RHOJ: variants seen among roughly 807,000 people sequenced by gnomAD.
RHOJ encodes ras homolog family member J, also known as rho-related GTP-binding protein RhoJ.
RHOJ carries 11 observed loss-of-function variants against 23.4 expected under a neutral mutation model. That is an observed-to-expected ratio of 0.47 (90% confidence interval 0.30 to 0.78). The LOEUF (loss-of-function observed/expected upper bound fraction) is 0.78, where lower values mean the gene tolerates loss of function less well. Ranked by LOEUF, RHOJ falls within the 30% of genes least tolerant of loss-of-function variation. RHOJ has a pLI of 0.08. For missense variants in RHOJ, 254 were observed against 273.4 expected (o/e 0.93, Z 0.50); for synonymous variants, 102 against 102.7 (o/e 0.99, Z 0.04).
At chr14:63,263,259 T>G (rs896108851) in intron 1 of RHOJ, among the ~76,000 whole-genome samples, 6 of 152,214 alleles carry the variant, frequency 3.9e-5, no homozygotes, top group African/African-American at 1.4e-4. Flanking sequence ...TCTTTGAACC[T>G]CACTATGTTT....
At chr14:63,223,214 C>A (rs527941147) in intron 1 of RHOJ, among the ~76,000 whole-genome samples, 34 of 152,330 alleles carry the variant, frequency 2.2e-4, no homozygotes, top group African/African-American at 7.5e-4. Flanking sequence ...GGTCAGCCAT[C>A]TGGACTATTG....
chr14:63,212,433 G>A (rs1333125533), intron 1 of RHOJ, among the ~76,000 whole-genome samples: 1 of 152,276 alleles, frequency 6.6e-6, no homozygotes, highest in South Asian at 2.1e-4. Context: ...ACCTAGAGTT[G>A]CATTCTGGCA....
chr14:63,224,230 A>G (rs1026443112), intron 1 of RHOJ, among the ~76,000 whole-genome samples: 1 of 152,146 alleles, frequency 6.6e-6, no homozygotes, highest in African/African-American at 2.4e-5. Flanking sequence ...AAATCATAAA[A>G]CCAAAGACAT....
chr14:63,252,531 T>C (rs765509322), intron 1 of RHOJ, among the ~76,000 whole-genome samples: 4 of 152,190 alleles, frequency 2.6e-5, no homozygotes, highest in Non-Finnish European at 5.9e-5. Flanking sequence ...CCAGGGATAT[T>C]TTCAAAACGT....
chr14:63,211,331 C>A (rs74455675), intron 1 of RHOJ, among the ~76,000 whole-genome samples: 2 of 152,312 alleles, frequency 1.3e-5, no homozygotes, highest in African/African-American at 4.8e-5. Context: ...ACCCGAGAGT[C>A]TCTCATATCT....
chr14:63,283,722 T>C (rs1320785826), intron 4 of RHOJ, among the ~76,000 whole-genome samples: 1 of 152,178 alleles, frequency 6.6e-6, no homozygotes, highest in Non-Finnish European at 1.5e-5. Flanking sequence ...AAACAGCATC[T>C]GGAAGGATAA....
intron 1 of RHOJ, among the ~76,000 whole-genome samples, chr14:63,221,861 A>G (rs555600144): frequency 2.0e-5 from 3 of 152,154 alleles, no homozygotes; most frequent in Non-Finnish European, 4.4e-5. Context: ...TCTAGGGTAC[A>G]TGCGCACAAC....
intron 2 of RHOJ, among the ~76,000 whole-genome samples, chr14:63,278,185 C>T (rs1261456057): frequency 6.6e-6 from 1 of 152,114 alleles, no homozygotes; most frequent in African/African-American, 2.4e-5. Context: ...TTTTCAGCAT[C>T]ATTGCCCTCT....
intron 1 of RHOJ, among the ~76,000 whole-genome samples, chr14:63,264,411 A>G (rs1035257201): frequency 3.9e-5 from 6 of 152,062 alleles, no homozygotes; most frequent in Non-Finnish European, 8.8e-5. Flanking sequence ...TCTTTATCCA[A>G]TCCATCCTGG....
intron 1 of RHOJ, among the ~76,000 whole-genome samples, chr14:63,260,065 A>C (rs1485999071): frequency 1.3e-5 from 2 of 152,158 alleles, no homozygotes; most frequent in Non-Finnish European, 2.9e-5. Flanking sequence ...CTAAATATTC[A>C]CTTGGCTAGT....
chr14:63,283,921 A>G (rs555863352), intron 4 of RHOJ, among the ~76,000 whole-genome samples: 3 of 152,328 alleles, frequency 2.0e-5, no homozygotes, highest in African/African-American at 7.2e-5. Flanking sequence ...GATGTGAGCA[A>G]AGCAGCCACT....
chr14:63,284,166 T>TA, intron 4 of RHOJ: 1 of 942,142 alleles, frequency 1.1e-6, no homozygotes, highest in Non-Finnish European at 1.3e-6. Flanking sequence ...ATTCTTCACT[T>TA]ACAAAATTGT....
chr14:63,283,331 T>G (rs1049454741), intron 4 of RHOJ, 115 bp downstream of exon 4: 21 of 849,070 alleles, frequency 2.5e-5, no homozygotes, highest in Non-Finnish European at 4.1e-5. Context: ...GTGTTTAGAA[T>G]CTTCTCTAAG....
intron 1 of RHOJ, among the ~76,000 whole-genome samples, chr14:63,230,459 G>T (rs1202631055): frequency 3.3e-5 from 5 of 151,822 alleles, no homozygotes; most frequent in African/African-American, 9.7e-5. Flanking sequence ...ATTTGACATT[G>T]CTCTTCTATA....
At position 63,289,079 on chromosome 14, in the gene RHOJ, G is replaced by A. The variant is rs185957674; in HGVS notation, c.499-1799G>A. On this transcript the variant is annotated intron_variant, in intron 4 of 4. Coordinates refer to ENST00000316754, the MANE Select transcript of RHOJ (RefSeq NM_020663.5). Reference sequence around the variant, plus strand: ...ATTTTACCTCTCTGGGGTTATTCCCGCTCTGTTCTAAGCTAAACCACAAGT... The same window carrying A: ...ATTTTACCTCTCTGGGGTTATTCCCACTCTGTTCTAAGCTAAACCACAAGT... Among the ~76,000 whole-genome samples the A allele has an allele frequency of 2.4e-4, 36 of 152,226 alleles. No individual in the cohort carries two copies. The East Asian group carries it at 4.4e-3, about 19-fold the overall frequency.
At chr14:63,275,608 C>T (rs532297648) in intron 2 of RHOJ, among the ~76,000 whole-genome samples, 1 of 152,302 alleles carries the variant, frequency 6.6e-6, no homozygotes, top group Admixed American at 6.5e-5. Flanking sequence ...GCCTACTTTG[C>T]CCCAAATCCT....
intron 1 of RHOJ, among the ~76,000 whole-genome samples, chr14:63,230,155 A>G (rs1488596065): frequency 6.6e-6 from 1 of 151,636 alleles, no homozygotes; most frequent in African/African-American, 2.4e-5. Flanking sequence ...AATCCTAAAA[A>G]TTGTCACAGG....
intron 1 of RHOJ, among the ~76,000 whole-genome samples, chr14:63,224,097 G>A (rs1894546967): frequency 6.6e-6 from 1 of 152,182 alleles, no homozygotes; most frequent in Non-Finnish European, 1.5e-5. Flanking sequence ...ACATGAAAGT[G>A]TTTGTGTGCT....
At chr14:63,290,760 A>AC in intron 4 of RHOJ, 118 bp from the exon 5 acceptor site, 1 of 864,376 alleles carries the variant, frequency 1.2e-6, no homozygotes, top group Admixed American at 3.2e-5. Flanking sequence ...AATCCAAACC[A>AC]CCCCACAGGC....
Sources: allele counts gnomAD v4.1 joint callset (sites outside exome capture counted in the v4.1 genomes callset), GRCh38; gene constraint gnomAD v4.1.1; transcripts MANE v1.5; gene names NCBI Gene and HGNC (gene_info 2026-07-23, HGNC 2026-07-21).